Variants in DPP10 observed in about 807,000 individuals in gnomAD.
DPP10 encodes inactive dipeptidyl peptidase 10.
DPP10 carries 33 observed loss-of-function variants against 120.9 expected under a neutral mutation model. That is an observed-to-expected ratio of 0.27 (90% CI 0.21 to 0.37). The LOEUF is 0.37. Ranked by LOEUF, DPP10 falls within the 10% of genes least tolerant of loss-of-function variation. DPP10 has a pLI of 1.00. For synonymous variants in DPP10, 337 were observed against 326.1 expected, an observed-to-expected ratio of 1.03 and a Z score of -0.36; for missense variants, 816 against 942.8, an observed-to-expected ratio of 0.87 and a Z score of 1.76.
In DPP10 at chr2:115,432,067, A is replaced by G. The variant is rs541184224; in HGVS notation, c.272-67443A>G. On this transcript the variant is annotated intron_variant, in intron 3 of 25. Coordinates refer to ENST00000410059, the MANE Select transcript of DPP10 (RefSeq NM_020868.6). ...TCTATAAATTACCCATACTCCAGATAGAAAAGCAAACCAAACAGAATTAAC... is the reference window on the plus strand; with the variant it reads ...TCTATAAATTACCCATACTCCAGATGGAAAAGCAAACCAAACAGAATTAAC... Among the ~76,000 whole-genome samples the G allele has an allele frequency of 6.6e-5, 10 of 152,278 alleles. No individual in the cohort carries two copies. The East Asian group carries it at 1.5e-3, about 24-fold the overall frequency.
intron 12 of DPP10, among the ~76,000 whole-genome samples, chr2:115,763,577 T>C (rs1680359171): frequency 6.6e-6 from 1 of 152,180 alleles, no homozygotes; most frequent in South Asian, 2.1e-4. Context: ...GATTTTACTT[T>C]CAAACATCTC....
At chr2:114,896,288 T>G (rs570788830) in intron 1 of DPP10, among the ~76,000 whole-genome samples, 13 of 151,946 alleles carry the variant, frequency 8.6e-5, no homozygotes, top group African/African-American at 1.5e-4. Flanking sequence ...TTGGTAGCTT[T>G]ATGGGGATGG....
chr2:115,654,990 T>C (rs2088161840), intron 5 of DPP10, among the ~76,000 whole-genome samples: 1 of 151,882 alleles, frequency 6.6e-6, no homozygotes, highest in South Asian at 2.1e-4. Context: ...TCTACACTTA[T>C]TTTCTATTTT....
chr2:114,463,694 G>A (rs1679117457), intron 1 of DPP10, among the ~76,000 whole-genome samples: 1 of 152,198 alleles, frequency 6.6e-6, no homozygotes, highest in Admixed American at 6.5e-5. Context: ...GCTCTGTAAA[G>A]TTCTATGAAT....
At chr2:114,882,140 T>A (rs900638924) in intron 1 of DPP10, among the ~76,000 whole-genome samples, 1 of 152,124 alleles carries the variant, frequency 6.6e-6, no homozygotes, top group South Asian at 2.1e-4. Context: ...TGCCATTTGA[T>A]CTAGCAATCC....
intron 1 of DPP10, among the ~76,000 whole-genome samples, chr2:114,969,849 GC>G (rs1394808387): frequency 6.6e-6 from 1 of 152,064 alleles, no homozygotes; most frequent in African/African-American, 2.4e-5. Flanking sequence ...AGAGAAGAAA[GC>G]CCCCCACCTC....
rs889549771 is a variant in DPP10 at position 115,761,178 on chromosome 2, G to C, written c.1075-1394G>C. ...TTCCAACACTTTGGGAGGCCAAGTG[G>C]GGAGAATGGCTTGAGGCTGAGTTCA... On this transcript the variant is annotated intron_variant, in intron 11 of 25. Transcript: ENST00000410059. Among the ~76,000 whole-genome samples, 4 of 151,514 alleles carry C rather than the reference G, an allele frequency of 2.6e-5. No individual in the cohort carries two copies. The South Asian group carries it at 8.3e-4, about 31-fold the overall frequency.
At chr2:115,665,494 T>C (rs907989971) in intron 5 of DPP10, among the ~76,000 whole-genome samples, 1 of 152,168 alleles carries the variant, frequency 6.6e-6, no homozygotes, top group Non-Finnish European at 1.5e-5. Context: ...AGCCAAACTT[T>C]TACTCATTTC....
intron 1 of DPP10, among the ~76,000 whole-genome samples, chr2:114,880,978 C>T (rs1473236336): frequency 6.6e-6 from 1 of 152,122 alleles, no homozygotes; most frequent in African/African-American, 2.4e-5. Context: ...TAAGTCAGTA[C>T]TTGCTTATCT....
chr2:114,742,066 A>G (rs2105991580), intron 1 of DPP10, among the ~76,000 whole-genome samples: 1 of 152,362 alleles, frequency 6.6e-6, no homozygotes, highest in African/African-American at 2.4e-5. Flanking sequence ...TGTACAAAAA[A>G]GGTATCTCTT....
intron 1 of DPP10, among the ~76,000 whole-genome samples, chr2:114,655,148 A>C (rs1197677302): frequency 6.6e-6 from 1 of 152,178 alleles, no homozygotes; most frequent in Non-Finnish European, 1.5e-5. Flanking sequence ...ATAATGCCTG[A>C]AGCATCATAA....
At chr2:115,795,765 T>C (rs1684463413) in intron 19 of DPP10, among the ~76,000 whole-genome samples, 1 of 152,148 alleles carries the variant, frequency 6.6e-6, no homozygotes, top group Non-Finnish European at 1.5e-5. Flanking sequence ...TATACACACA[T>C]TTCATTTCCT....
At chr2:115,291,262 C>T (rs2060642919) in intron 1 of DPP10, among the ~76,000 whole-genome samples, 1 of 152,106 alleles carries the variant, frequency 6.6e-6, no homozygotes, top group Non-Finnish European at 1.5e-5. Flanking sequence ...CCTTGACCTC[C>T]CAAAGTGCTC....
chr2:115,762,089 C>T (rs2149790208), intron 11 of DPP10, among the ~76,000 whole-genome samples: 1 of 152,124 alleles, frequency 6.6e-6, no homozygotes, highest in African/African-American at 2.4e-5. Flanking sequence ...GATATTTTTT[C>T]TCAAAGACTG....
At chr2:115,694,442 T>G (rs1397628532) in intron 7 of DPP10, among the ~76,000 whole-genome samples, 1 of 152,156 alleles carries the variant, frequency 6.6e-6, no homozygotes, top group Non-Finnish European at 1.5e-5. Flanking sequence ...AAGTTAGAAC[T>G]CAGAATATTG....
chr2:115,455,970 A>T (rs1338836503), intron 3 of DPP10, among the ~76,000 whole-genome samples: 1 of 152,202 alleles, frequency 6.6e-6, no homozygotes, highest in Non-Finnish European at 1.5e-5. Flanking sequence ...GACAAATGGG[A>T]TCTAACTAAA....
chr2:115,813,371 C>T (rs1166732250), intron 19 of DPP10, among the ~76,000 whole-genome samples: 1 of 152,176 alleles, frequency 6.6e-6, no homozygotes, highest in Non-Finnish European at 1.5e-5. Flanking sequence ...CTCTTTGCGC[C>T]TCTTCATATG....
chr2:114,821,874 A>G (rs1686118935), intron 1 of DPP10, among the ~76,000 whole-genome samples: 1 of 152,168 alleles, frequency 6.6e-6, no homozygotes, highest in Non-Finnish European at 1.5e-5. Context: ...AGCCTTAGGC[A>G]GCTCCACCCC....
intron 2 of DPP10, among the ~76,000 whole-genome samples, chr2:115,324,491 C>G (rs140838340): frequency 2.3e-4 from 35 of 152,234 alleles, no homozygotes; most frequent in African/African-American, 7.7e-4. Flanking sequence ...ACCAATCTCT[C>G]TTAGTTTCAA....
Sources: allele counts gnomAD v4.1 joint callset (sites outside exome capture counted in the v4.1 genomes callset), GRCh38; gene constraint gnomAD v4.1.1; transcripts MANE v1.5; gene names NCBI Gene and HGNC (gene_info 2026-07-23, HGNC 2026-07-21).